The following GABRB1 variants were observed in gnomAD, a reference collection of about 807,000 sequenced individuals.
GABRB1 encodes the protein gamma-aminobutyric acid type A receptor subunit beta1.
In GABRB1, 17 loss-of-function variants were observed where a neutral mutation model predicts 51.6. That is an observed-to-expected ratio of 0.33 (90% confidence interval 0.23 to 0.49). The LOEUF is 0.49. Ranked by LOEUF, GABRB1 falls within the 20% of genes least tolerant of loss-of-function variation. The pLI is 0.99. For missense variants in GABRB1, 410 were observed against 600.6 expected, an observed-to-expected ratio of 0.68 and a Z score of 3.32; for synonymous variants, 247 against 218.9, an observed-to-expected ratio of 1.13 and a Z score of -1.14.
chr4:47,260,856 C>A (rs1389511845), intron 4 of GABRB1, among the ~76,000 whole-genome samples: 2 of 152,140 alleles, frequency 1.3e-5, no homozygotes, highest in Non-Finnish European at 2.9e-5. Context: ...CCACCATGAT[C>A]AAGTGGGCTT....
chr4:47,418,867 G>T (rs1226068531), intron 8 of GABRB1, among the ~76,000 whole-genome samples: 1 of 152,112 alleles, frequency 6.6e-6, no homozygotes, highest in Non-Finnish European at 1.5e-5. Context: ...CTATCCTTTA[G>T]GTTCTTCTGT....
intron 1 of GABRB1, among the ~76,000 whole-genome samples, chr4:47,005,228 C>T (rs998760128): frequency 6.6e-6 from 1 of 152,224 alleles, no homozygotes; most frequent in African/African-American, 2.4e-5. Context: ...ACCATCCTGG[C>T]TAACACGGTG....
intron 4 of GABRB1, among the ~76,000 whole-genome samples, chr4:47,184,295 T>C (rs1719075282): frequency 1.3e-5 from 2 of 151,976 alleles, no homozygotes; most frequent in African/African-American, 4.8e-5. Context: ...GTATGTGTTA[T>C]GTCTCAACTA....
At chr4:47,001,206 G>T (rs1000576574) in intron 1 of GABRB1, among the ~76,000 whole-genome samples, 3 of 152,036 alleles carry the variant, frequency 2.0e-5, no homozygotes, top group Non-Finnish European at 4.4e-5. Context: ...ACAGTGGCGC[G>T]ATCTGGGCTC....
chr4:47,097,341 C>T (rs575821663), intron 3 of GABRB1, among the ~76,000 whole-genome samples: 9 of 152,228 alleles, frequency 5.9e-5, no homozygotes, highest in African/African-American at 9.6e-5. Flanking sequence ...TGTCTCTACA[C>T]GGAAAAATCA....
At chr4:47,179,667 A>G (rs1300267745) in intron 4 of GABRB1, among the ~76,000 whole-genome samples, 1 of 152,122 alleles carries the variant, frequency 6.6e-6, no homozygotes, top group Non-Finnish European at 1.5e-5. Context: ...AAAGTAGACA[A>G]CAGTGCTCAG....
chr4:47,174,543 T>G (rs1006602671), intron 4 of GABRB1, among the ~76,000 whole-genome samples: 12 of 152,212 alleles, frequency 7.9e-5, no homozygotes, highest in African/African-American at 2.7e-4. Context: ...AATTAGATAT[T>G]GTTTCACAGG....
Position 47,261,891 on chromosome 4 carries a change from T to A in GABRB1, c.462-58236T>A, listed in dbSNP as rs565345632. On this transcript the variant is annotated intron_variant, in intron 4 of 8. Transcript: ENST00000295454. ...CAGAGCCCTCAGAAATAACGCCGCA[T>A]ATCTACAACTATCTGATCTTTGACA... 2.0e-5 allele frequency among the ~76,000 whole-genome samples: 3 copies of A among 152,188 alleles called. No homozygotes were observed. The South Asian group carries it at 6.2e-4, about 32-fold the overall frequency.
intron 3 of GABRB1, among the ~76,000 whole-genome samples, chr4:47,051,765 T>C (rs1316394881): frequency 1.3e-5 from 2 of 152,308 alleles, no homozygotes; most frequent in East Asian, 1.9e-4. Flanking sequence ...CTTTTAATAG[T>C]AGACGGTAAA....
chr4:47,108,586 A>G (rs906857092), intron 3 of GABRB1, among the ~76,000 whole-genome samples: 1 of 152,064 alleles, frequency 6.6e-6, no homozygotes, highest in African/African-American at 2.4e-5. Context: ...CACCTAATCA[A>G]GTTTTAACAA....
At chr4:47,042,414 GTATATATA>G (rs764850015) in intron 3 of GABRB1, among the ~76,000 whole-genome samples, 2 of 47,038 alleles carry the variant, frequency 4.3e-5, no homozygotes, top group African/African-American at 1.2e-4. Flanking sequence ...TATGTGTACA[GTATATATA>G]TATATATATA....
intron 3 of GABRB1, among the ~76,000 whole-genome samples, chr4:47,157,035 G>T (rs1472357737): frequency 2.0e-5 from 3 of 152,076 alleles, no homozygotes; most frequent in Non-Finnish European, 4.4e-5. Flanking sequence ...GTTTGGTATT[G>T]TCTATCTTGC....
chr4:47,264,782 A>C (rs990023272), intron 4 of GABRB1, among the ~76,000 whole-genome samples: 17 of 152,190 alleles, frequency 1.1e-4, no homozygotes, highest in Non-Finnish European at 1.3e-4. Context: ...TCACCCCCAA[A>C]GTTTCCTTTT....
chr4:47,175,219 T>C (rs960287907), intron 4 of GABRB1, among the ~76,000 whole-genome samples: 3 of 151,590 alleles, frequency 2.0e-5, no homozygotes, highest in Non-Finnish European at 2.9e-5. Context: ...TTTCTCTCTT[T>C]CTTCTCTTTC....
At chr4:47,154,198 T>C (rs1238631394) in intron 3 of GABRB1, among the ~76,000 whole-genome samples, 1 of 151,854 alleles carries the variant, frequency 6.6e-6, no homozygotes, top group Admixed American at 6.6e-5. Flanking sequence ...ATGGTTTAGA[T>C]TGGTTTATTT....
chr4:47,100,501 T>A (rs1714675717), intron 3 of GABRB1, among the ~76,000 whole-genome samples: 2 of 151,982 alleles, frequency 1.3e-5, no homozygotes. Flanking sequence ...GGACTTATAT[T>A]TAAGTTGTGG....
chr4:47,413,602 A>G (rs1728827407), intron 8 of GABRB1, among the ~76,000 whole-genome samples: 1 of 152,258 alleles, frequency 6.6e-6, no homozygotes, highest in Non-Finnish European at 1.5e-5. Context: ...AGTTAAATTT[A>G]AATGACATCT....
chr4:47,381,827 T>C (rs555203360), intron 5 of GABRB1, among the ~76,000 whole-genome samples: 1 of 152,344 alleles, frequency 6.6e-6, no homozygotes, highest in Admixed American at 6.5e-5. Context: ...AGAGAATTAT[T>C]TAGGAAGTTT....
chr4:47,229,570 A>G (rs192914867), intron 4 of GABRB1, among the ~76,000 whole-genome samples: 1 of 152,178 alleles, frequency 6.6e-6, no homozygotes, highest in Non-Finnish European at 1.5e-5. Context: ...GAATCTGTGA[A>G]TATTAACTTA....
Sources: allele counts gnomAD v4.1 joint callset (sites outside exome capture counted in the v4.1 genomes callset), GRCh38; gene constraint gnomAD v4.1.1; transcripts MANE v1.5; gene names NCBI Gene and HGNC (gene_info 2026-07-23, HGNC 2026-07-21).